AP2M1: variants seen among roughly 807,000 people sequenced by gnomAD.
AP2M1 encodes adaptor related protein complex 2 subunit mu 1.
AP2M1 carries 5 observed loss-of-function variants against 54.5 expected under a neutral mutation model. That is an observed-to-expected ratio of 0.09 (90% CI 0.05 to 0.19). AP2M1 has a LOEUF of 0.19. Among genes scored for constraint, AP2M1 ranks in the 10% least tolerant of loss-of-function variants. AP2M1 has a pLI of 1.00. For missense variants in AP2M1, 178 were observed against 580.2 expected, an observed-to-expected ratio of 0.31 and a Z score of 7.12; for synonymous variants, 186 against 208.2, an observed-to-expected ratio of 0.89 and a Z score of 0.92.
Position 184,181,324 on chromosome 3 carries a change from T to C in AP2M1, c.707+98T>C. ...TTTCTTCTGGATTTCATTCCCACTG[T>C]AATTGCAAACTCTGTTCCTGACGGT... On this transcript the variant is annotated intron_variant, in intron 7 of 11. Transcript: ENST00000292807. This position sits in a 1 kb window ranked among gnomAD's most constrained non-coding sequence, Gnocchi z 5.7. 1 of 1,543,960 alleles carries C rather than the reference T, an allele frequency of 6.5e-7. No individual in the cohort carries two copies. Among genetic ancestry groups the C allele is most frequent in the South Asian group, 1.2e-5 (1 of 83,782 alleles).
Position 184,182,083 on chromosome 3 carries a change from G to T in AP2M1, c.963+36G>T, listed in dbSNP as rs1243430173. On this transcript the variant is annotated intron_variant, in intron 9 of 11. Transcript: ENST00000292807. The surrounding 1 kb of genome is among the most constrained non-coding windows in gnomAD (Gnocchi z 5.5). ...GGGGCTCAAGGAGGAGGAAGAACTT[G>T]TCCCTAGGAATAAAGGTAGCTGATG... 6.2e-7 allele frequency: 1 copy of T among 1,611,406 alleles called. No homozygotes were observed. The highest frequency in any genetic ancestry group is 1.3e-5 in the African/African-American group (1 of 75,010).
chr3:184,179,145 G>T (rs1248452480), intron 3 of AP2M1, 23 bp downstream of exon 3: 2 of 1,608,576 alleles, frequency 1.2e-6, no homozygotes, highest in Non-Finnish European at 1.7e-6. Flanking sequence ...GGCTGGCACG[G>T]CAGCGGGCGT....
chr3:184,182,850 C>T lies in AP2M1; in HGVS notation c.1155C>T (p.Pro385=), dbSNP rs201012736. The T allele has an allele frequency of 4.0e-5, 65 of 1,613,916 alleles. No individual in the cohort carries two copies. The highest frequency in any genetic ancestry group is 3.1e-5 in the Non-Finnish European group (37 of 1,179,980). The change falls in exon 11 of 12, where the codon CCC becomes CCT. Residue 385 remains proline, a synonymous_variant. Transcript: ENST00000292807. This position sits in a 1 kb window ranked among gnomAD's most constrained non-coding sequence, Gnocchi z 5.5. ...TNDKKKWARP[P]ISMNFEVPFA... Reference sequence around the variant, plus strand: ...ACAAGAAGAAATGGGCTCGACCCCCCATTTCCATGAACTTTGAGGTATGGC... The same window carrying T: ...ACAAGAAGAAATGGGCTCGACCCCCTATTTCCATGAACTTTGAGGTATGGC...
Position 184,181,388 on chromosome 3 carries a change from G to C in AP2M1, c.707+162G>C. The C allele has an allele frequency of 8.9e-7, 1 of 1,121,428 alleles. No homozygotes were observed. The highest frequency in any genetic ancestry group is 1.3e-6 in the Non-Finnish European group (1 of 789,134). 69.5% of individuals were successfully genotyped at this position (1,121,428 alleles called of 1,614,324 possible). On this transcript the variant is annotated intron_variant, in intron 7 of 11. Transcript: ENST00000292807. The surrounding 1 kb of genome is among the most constrained non-coding windows in gnomAD (Gnocchi z 5.7). Reference sequence around the variant, plus strand: ...CGCTCTTGACATTAGTGCTACGAGAGATGAGGGGATCGTCCTCAGAGAGCA... The same window carrying C: ...CGCTCTTGACATTAGTGCTACGAGACATGAGGGGATCGTCCTCAGAGAGCA...
chr3:184,176,882 G>A lies in AP2M1; in HGVS notation c.-43-69G>A. Reference sequence around the variant, plus strand: ...GTCAGGAAAGAAGCTCCAGTGACCTGCACAGCTCCACAGGGGATGTTGGCA... The same window carrying A: ...GTCAGGAAAGAAGCTCCAGTGACCTACACAGCTCCACAGGGGATGTTGGCA... On this transcript the variant is annotated intron_variant, in intron 1 of 11. Transcript: ENST00000292807. The A allele has an allele frequency of 2.6e-6, 3 of 1,149,102 alleles. No homozygotes were observed. The South Asian group carries it at 4.5e-5, about 17-fold the overall frequency. 71.2% of individuals were successfully genotyped at this position (1,149,102 alleles called of 1,614,324 possible).
intron 1 of AP2M1, among the ~76,000 whole-genome samples, chr3:184,176,325 C>T (rs1374282436): frequency 6.6e-6 from 1 of 152,174 alleles, no homozygotes; most frequent in African/African-American, 2.4e-5. Flanking sequence ...CCTTTGCCTG[C>T]TTATTCCACT....
At position 184,182,966 on chromosome 3, in the gene AP2M1, T is replaced by G. The variant is rs1459479710; in HGVS notation, c.1173+98T>G. On this transcript the variant is annotated intron_variant, in intron 11 of 11. Coordinates refer to ENST00000292807, the MANE Select transcript of AP2M1 (RefSeq NM_004068.4). The surrounding 1 kb of genome is among the most constrained non-coding windows in gnomAD (Gnocchi z 5.5). ...TGCTGCACCTTAGAGGTGAGGAAAC[T>G]GAGGCCTAGAAAGAAGAACTGGCTT... The G allele has an allele frequency of 9.9e-7, 1 of 1,010,696 alleles. No individual in the cohort carries two copies. Among genetic ancestry groups the G allele is most frequent in the Non-Finnish European group, 1.5e-6 (1 of 651,360 alleles). The allele number at this position is 1,010,696 out of a possible 1,614,324, so 62.6% of individuals were successfully genotyped here.
At position 184,183,526 on chromosome 3, in the gene AP2M1, G is replaced by A. The variant is rs1445206904; in HGVS notation, c.1218G>A (p.Val406=). ...GCCTCAAGGTGCGCTACTTGAAGGT[G>A]TTTGAACCGAAGCTGAACTACAGCG... ...PSGLKVRYLK[V]FEPKLNYSDH... is the part of the protein sequence containing the mutation. The change falls in exon 12 of 12, where the codon GTG becomes GTA. Residue 406 remains valine (V), a synonymous_variant. Transcript: ENST00000292807. The surrounding 1 kb of genome is among the most constrained non-coding windows in gnomAD (Gnocchi z 5.7). 1.2e-6 allele frequency: 2 copies of A among 1,613,928 alleles called. No individual in the cohort carries two copies. Among genetic ancestry groups the A allele is most frequent in the African/African-American group, 1.3e-5 (1 of 74,954 alleles).
rs843364 is a variant in AP2M1 at position 184,183,048 on chromosome 3, G to A, written c.1173+180G>A. On this transcript the variant is annotated intron_variant, in intron 11 of 11. Transcript: ENST00000292807. The surrounding 1 kb of genome is among the most constrained non-coding windows in gnomAD (Gnocchi z 5.7). ...CCTCTTAGTAGAAATTACTATTTGTGATGAGGCAAATCTTTTACTTCTCTC... is the reference window on the plus strand; with the variant it reads ...CCTCTTAGTAGAAATTACTATTTGTAATGAGGCAAATCTTTTACTTCTCTC... 352,151 of 673,986 alleles carry A rather than the reference G, an allele frequency of 0.52. 92,910 individuals are homozygous for A. Among genetic ancestry groups the A allele is most frequent in the East Asian group, 0.64 (23,125 of 36,084 alleles). The allele number at this position is 673,986 out of a possible 1,614,324, so 41.8% of individuals were successfully genotyped here.
At position 184,180,912 on chromosome 3, in the gene AP2M1, G is replaced by T; in HGVS notation, c.493G>T (p.Gly165Cys). ...TGGGCAGATTGGCTGGCGGCGAGAGGGTATCAAGTATCGTCGGAATGAGCT... is the reference window on the plus strand; with the variant it reads ...TGGGCAGATTGGCTGGCGGCGAGAGTGTATCAAGTATCGTCGGAATGAGCT... The part of the protein sequence containing the change: ...VTGQIGWRRE[G>C]IKYRRNELFL... The change falls in exon 6 of 12, where the codon GGT becomes TGT. Residue 165 changes from glycine (G) to cysteine (C), a missense_variant. Physicochemically the swap from Gly to Cys is radical, Grantham distance 159 (BLOSUM62 -3). Transcript: ENST00000292807. The surrounding 1 kb of genome is among the most constrained non-coding windows in gnomAD (Gnocchi z 4.9). 1 of 1,614,202 alleles carries T rather than the reference G, an allele frequency of 6.2e-7. No individual in the cohort carries two copies. Among genetic ancestry groups the T allele is most frequent in the Non-Finnish European group, 8.5e-7 (1 of 1,180,036 alleles).
Position 184,180,651 on chromosome 3 carries a change from G to C in AP2M1, c.429+1G>C. The C allele has an allele frequency of 6.2e-7, 1 of 1,614,190 alleles. No homozygotes were observed. The highest frequency in any genetic ancestry group is 2.2e-5 in the East Asian group (1 of 44,886). On this transcript the variant is annotated splice_donor_variant, in intron 5 of 11. Coordinates refer to ENST00000292807, the MANE Select transcript of AP2M1 (RefSeq NM_004068.4). LOFTEE classifies it high-confidence loss of function. This position sits in a 1 kb window ranked among gnomAD's most constrained non-coding sequence, Gnocchi z 4.9. ...TTGGCCCTGCGGCCTCCAGCATCAGGTAAGCTCTTCCCTCAGCTTCCACCC... is the reference window on the plus strand; with the variant it reads ...TTGGCCCTGCGGCCTCCAGCATCAGCTAAGCTCTTCCCTCAGCTTCCACCC...
chr3:184,181,423 G>A lies in AP2M1; in HGVS notation c.707+197G>A. The A allele has an allele frequency of 2.1e-6, 2 of 931,342 alleles. No individual in the cohort carries two copies. Among genetic ancestry groups the A allele is most frequent in the Non-Finnish European group, 3.2e-6 (2 of 633,924 alleles). 57.7% of individuals were successfully genotyped at this position (931,342 alleles called of 1,614,324 possible). On this transcript the variant is annotated intron_variant, in intron 7 of 11. Coordinates refer to ENST00000292807, the MANE Select transcript of AP2M1 (RefSeq NM_004068.4). The surrounding 1 kb of genome is among the most constrained non-coding windows in gnomAD (Gnocchi z 5.7). ...TCGTCCTCAGAGAGCAAGCCCCTTT[G>A]TTTGGTCCCTAGGACCAAGGCCTTT...
At chr3:184,177,790 C>T (rs1715125688) in intron 2 of AP2M1, 8 of 626,622 alleles carry the variant, frequency 1.3e-5, no homozygotes, top group South Asian at 6.1e-5. Flanking sequence ...GCCTCCGAGG[C>T]GCTAAAGAGT....
intron 1 of AP2M1, among the ~76,000 whole-genome samples, chr3:184,176,177 G>GCCACCC (rs1715067540): frequency 6.6e-6 from 1 of 152,040 alleles, no homozygotes; most frequent in Non-Finnish European, 1.5e-5. Flanking sequence ...ATGAGCCTGC[G>GCCACCC]CCACCCCCAC....
rs1280768532 is a variant in AP2M1 at position 184,178,280 on chromosome 3, C to T, written c.75-577C>T. 4 of 1,517,222 alleles carry T rather than the reference C, an allele frequency of 2.6e-6. No homozygotes were observed. The highest frequency in any genetic ancestry group is 2.8e-5 in the African/African-American group (2 of 72,598). 94.0% of individuals were successfully genotyped at this position (1,517,222 alleles called of 1,614,324 possible). A position where few individuals can be genotyped will look rare whatever the true frequency, so the allele number is the denominator to read the frequency against. On this transcript the variant is annotated intron_variant, in intron 2 of 11. Transcript: ENST00000292807. The surrounding 1 kb of genome is among the most constrained non-coding windows in gnomAD (Gnocchi z 4.9). The stretch of plus-strand genomic sequence containing the variant: ...CAGGTGGGTGGGGGCCTGCCCCCAT[C>T]GTTTTCCTGCATCCTTTTTCATTCC...
rs1715162065 is a variant in AP2M1, at chr3:184,178,481, C to T, written c.75-376C>T. On this transcript the variant is annotated intron_variant, in intron 2 of 11. Coordinates refer to ENST00000292807, the MANE Select transcript of AP2M1 (RefSeq NM_004068.4). This position sits in a 1 kb window ranked among gnomAD's most constrained non-coding sequence, Gnocchi z 4.9. Reference sequence around the variant, plus strand: ...AGCGGGAGGACTGAAGAAGCAGTGTCTCTTTCTGTCCTGGACCTGGGAGCT... The same window carrying T: ...AGCGGGAGGACTGAAGAAGCAGTGTTTCTTTCTGTCCTGGACCTGGGAGCT... Among the ~76,000 whole-genome samples, 1 of 152,262 alleles carries T rather than the reference C, an allele frequency of 6.6e-6. No individual in the cohort carries two copies. The highest frequency in any genetic ancestry group is 2.1e-4 in the South Asian group (1 of 4,836).
chr3:184,180,931 A>G lies in AP2M1; in HGVS notation c.512A>G (p.Asn171Ser). Residue 171 changes from asparagine (N) to serine (S), a missense_variant, in exon 6 of 12, where the codon AAT becomes AGT. This residue lies in a region of AP2M1 where 115 missense variants were observed against 331.2 expected (regional missense o/e 0.35). Coordinates refer to ENST00000292807, the MANE Select transcript of AP2M1 (RefSeq NM_004068.4). The surrounding 1 kb of genome is among the most constrained non-coding windows in gnomAD (Gnocchi z 4.9). ...CGAGAGGGTATCAAGTATCGTCGGA[A>G]TGAGCTCTTCCTGGATGTGCTGGAG... ...WRREGIKYRR[N>S]ELFLDVLESV... 1.9e-6 allele frequency: 3 copies of G among 1,614,182 alleles called. No homozygotes were observed. The South Asian group carries it at 3.3e-5, about 18-fold the overall frequency.
In AP2M1 at chr3:184,181,848, T is replaced by C; in HGVS notation, c.827+33T>C. ...TGGGGTGTGAGGAGGCAGCTAGTGC[T>C]GCTGGCAGACTGGGGAGAGGAAGTG... On this transcript the variant is annotated intron_variant, in intron 8 of 11. Transcript: ENST00000292807. The surrounding 1 kb of genome is among the most constrained non-coding windows in gnomAD (Gnocchi z 5.7). The C allele has an allele frequency of 6.2e-7, 1 of 1,614,138 alleles. No individual in the cohort carries two copies. The highest frequency in any genetic ancestry group is 8.5e-7 in the Non-Finnish European group (1 of 1,179,988).
intron 3 of AP2M1, chr3:184,179,324 A>G (rs2109029856): frequency 3.1e-6 from 2 of 647,942 alleles, no homozygotes; most frequent in Non-Finnish European, 5.1e-6. Flanking sequence ...GAAGTAGAAC[A>G]CAGAAATAGG....
Sources: allele counts gnomAD v4.1 joint callset (sites outside exome capture counted in the v4.1 genomes callset), GRCh38; gene constraint gnomAD v4.1.1; regional missense constraint gnomAD v4.1.1; non-coding constraint Gnocchi (gnomAD v3.1); transcripts MANE v1.5; gene names NCBI Gene and HGNC (gene_info 2026-07-23, HGNC 2026-07-21).